The following ZNF423 variants were observed in gnomAD, a reference collection of about 807,000 sequenced individuals.
ZNF423 encodes the protein zinc finger protein 423, also known as Ebf-associated zinc finger protein.
In ZNF423, 12 loss-of-function variants were observed where a neutral mutation model predicts 95.8. That is an observed-to-expected ratio of 0.13 (90% CI 0.08 to 0.20). The LOEUF is 0.20. ZNF423 is among the 10% of genes least tolerant of loss of function. ZNF423 has a pLI of 1.00. For missense variants in ZNF423, 1,316 were observed against 1,737.1 expected (o/e 0.76, Z 4.31); for synonymous variants, 749 against 711.9 (o/e 1.05, Z -0.83).
intron 1 of ZNF423, among the ~76,000 whole-genome samples, chr16:49,842,799 C>T (rs2035204499): frequency 6.6e-6 from 1 of 151,976 alleles, no homozygotes; most frequent in Admixed American, 6.5e-5. Context: ...CATGGTGAAA[C>T]CCTATCTCCA....
At chr16:49,690,833 G>A (rs1411977379) in intron 3 of ZNF423, among the ~76,000 whole-genome samples, 1 of 152,192 alleles carries the variant, frequency 6.6e-6, no homozygotes, top group Non-Finnish European at 1.5e-5. Flanking sequence ...TGGAGACCTG[G>A]AAACAAGGAG....
At chr16:49,733,407 A>G (rs931138009) in intron 2 of ZNF423, among the ~76,000 whole-genome samples, 1 of 152,206 alleles carries the variant, frequency 6.6e-6, no homozygotes, top group Non-Finnish European at 1.5e-5. Context: ...AGCACTTTCT[A>G]TAATAGCTCA....
At position 49,637,620 on chromosome 16, in the gene ZNF423, G is replaced by C; in HGVS notation, c.1556C>G (p.Ser519Cys). The change falls in exon 4 of 8, where the codon TCT becomes TGT. Residue 519 changes from serine to cysteine, a missense_variant. By Grantham distance (112) the Ser-to-Cys change is moderately radical. Transcript: ENST00000563137. This position sits in a 1 kb window ranked among gnomAD's most constrained non-coding sequence, Gnocchi z 5.6. Reference sequence around the variant, plus strand: ...GCAGAAGAAAGCATTATTACCGTCAGAGGGGTTGGCGTTGGGGCCGCAGTG... The same window carrying C: ...GCAGAAGAAAGCATTATTACCGTCACAGGGGTTGGCGTTGGGGCCGCAGTG... ...VSHCGPNANP[S>C]DGNNAFFCNQ... is the part of the protein sequence containing the mutation. 1 of 1,614,072 alleles carries C rather than the reference G, an allele frequency of 6.2e-7. No individual in the cohort carries two copies. The highest frequency in any genetic ancestry group is 8.5e-7 in the Non-Finnish European group (1 of 1,180,040).
At chr16:49,643,908 G>C (rs1244043922) in intron 3 of ZNF423, among the ~76,000 whole-genome samples, 1 of 152,234 alleles carries the variant, frequency 6.6e-6, no homozygotes, top group Non-Finnish European at 1.5e-5. Flanking sequence ...GAAAGAGCCA[G>C]GTGATTCCCA....
intron 3 of ZNF423, among the ~76,000 whole-genome samples, chr16:49,699,353 C>T (rs887515176): frequency 4.6e-5 from 7 of 152,250 alleles, no homozygotes; most frequent in African/African-American, 1.4e-4. Context: ...CAAAAATAGC[C>T]CTTTGGAAAT....
Position 49,590,296 on chromosome 16 carries a change from T to C in ZNF423, c.3601+35874A>G, listed in dbSNP as rs368608330. On this transcript the variant is annotated intron_variant, in intron 5 of 7. Coordinates refer to ENST00000563137, the MANE Select transcript of ZNF423 (RefSeq NM_001379286.1). The stretch of plus-strand genomic sequence containing the variant: ...CGGGCAGCACCTCCTGACCCGGGCA[T>C]GCTGCACAGCTGGACTCCCGTTTGG... Among the ~76,000 whole-genome samples, 7 of 151,962 alleles carry C rather than the reference T, an allele frequency of 4.6e-5. No homozygotes were observed. The East Asian group carries it at 1.4e-3, about 30-fold the overall frequency.
chr16:49,702,606 G>A (rs1400473663), intron 3 of ZNF423, among the ~76,000 whole-genome samples: 2 of 152,244 alleles, frequency 1.3e-5, no homozygotes, highest in Non-Finnish European at 2.9e-5. Flanking sequence ...GAGGCTGGAT[G>A]GCGGGAGGGG....
rs528026845 is a variant in ZNF423, at chr16:49,625,205, T to C, written c.3601+965A>G. Among the ~76,000 whole-genome samples, 40 of 152,160 alleles carry C rather than the reference T, an allele frequency of 2.6e-4. 2 individuals are homozygous for C. In the South Asian group the frequency reaches 8.3e-3, roughly 32 times the overall value. ...CAGCCTGACCAAGATGGTGAAAAAT[T>C]AGCCAGGCGCAGTGGCAGGTGCCTG... On this transcript the variant is annotated intron_variant, in intron 5 of 7. Transcript: ENST00000563137.
At chr16:49,649,484 A>G (rs1332326833) in intron 3 of ZNF423, among the ~76,000 whole-genome samples, 1 of 152,126 alleles carries the variant, frequency 6.6e-6, no homozygotes, top group Non-Finnish European at 1.5e-5. Flanking sequence ...AATTCAGCAC[A>G]TATTTAGGAT....
At chr16:49,631,346 C>A (rs1164471082) in intron 4 of ZNF423, among the ~76,000 whole-genome samples, 1 of 152,066 alleles carries the variant, frequency 6.6e-6, no homozygotes, top group Admixed American at 6.5e-5. Context: ...CTCACCAGCC[C>A]CCAAACCCTC....
chr16:49,841,795 G>A (rs2035184915), intron 1 of ZNF423, among the ~76,000 whole-genome samples: 1 of 152,234 alleles, frequency 6.6e-6, no homozygotes, highest in South Asian at 2.1e-4. Flanking sequence ...TGGAGCCTAG[G>A]CTAAGCCTCA....
intron 5 of ZNF423, among the ~76,000 whole-genome samples, chr16:49,590,462 C>T (rs1411040478): frequency 1.3e-5 from 2 of 152,248 alleles, no homozygotes; most frequent in African/African-American, 4.8e-5. Flanking sequence ...GCCACAGATA[C>T]GGGCATTCTT....
At chr16:49,663,395 C>G (rs768261328) in intron 3 of ZNF423, among the ~76,000 whole-genome samples, 5 of 152,136 alleles carry the variant, frequency 3.3e-5, no homozygotes, top group African/African-American at 1.2e-4. Flanking sequence ...GCCCCCCAGC[C>G]CACCCCCCTC....
In ZNF423 at chr16:49,638,944, C is replaced by A; in HGVS notation, c.302-70G>T. On this transcript the variant is annotated intron_variant, in intron 3 of 7. Transcript: ENST00000563137. This position sits in a 1 kb window ranked among gnomAD's most constrained non-coding sequence, Gnocchi z 5.6. The stretch of plus-strand genomic sequence containing the variant: ...TGCCGAGAAACAAGGACAGAGCCAG[C>A]TTCTCGACAGCACGCGGGCTGAGGC... The A allele has an allele frequency of 6.6e-7, 1 of 1,514,768 alleles. No homozygotes were observed. The highest frequency in any genetic ancestry group is 8.8e-7 in the Non-Finnish European group (1 of 1,130,732). 93.8% of individuals were successfully genotyped at this position (1,514,768 alleles called of 1,614,324 possible). A position where few individuals can be genotyped will look rare whatever the true frequency, so the allele number is the denominator to read the frequency against.
chr16:49,561,293 A>G (rs1970008512), intron 5 of ZNF423, among the ~76,000 whole-genome samples: 1 of 152,202 alleles, frequency 6.6e-6, no homozygotes, highest in Non-Finnish European at 1.5e-5. Flanking sequence ...TCTGTTTTTT[A>G]TCGGACAGTG....
At chr16:49,792,532 C>T (rs1780917863) in intron 1 of ZNF423, among the ~76,000 whole-genome samples, 3 of 152,178 alleles carry the variant, frequency 2.0e-5, no homozygotes, top group Admixed American at 2.0e-4. Flanking sequence ...TGCAAGCAGC[C>T]GCATGACACA....
chr16:49,683,809 G>GGT (rs1024166329), intron 3 of ZNF423, among the ~76,000 whole-genome samples: 25 of 152,332 alleles, frequency 1.6e-4, no homozygotes, highest in African/African-American at 6.0e-4. Context: ...CAGGCATGAT[G>GGT]GTGTGCGCCT....
In ZNF423 at chr16:49,637,786, G is replaced by C; in HGVS notation, c.1390C>G (p.Leu464Val). 1 of 1,614,168 alleles carries C rather than the reference G, an allele frequency of 6.2e-7. No homozygotes were observed. Among genetic ancestry groups the C allele is most frequent in the Non-Finnish European group, 8.5e-7 (1 of 1,180,034 alleles). The stretch of plus-strand genomic sequence containing the variant: ...TGCAGCTTGCGAACGTGCTCGTTGA[G>C]GTTGTAGAGGGTGGGCATGGAGTCC... ...CLDSMPTLYN[L>V]NEHVRKLHKN... Residue 464 changes from leucine to valine, a missense_variant, in exon 4 of 8, where the codon CTC becomes GTC. Physicochemically the swap from Leu to Val is conservative, Grantham distance 32. This residue lies in a region of ZNF423 where 399 missense variants were observed against 478.5 expected (regional missense o/e 0.83). Coordinates refer to ENST00000563137, the MANE Select transcript of ZNF423 (RefSeq NM_001379286.1). This position sits in a 1 kb window ranked among gnomAD's most constrained non-coding sequence, Gnocchi z 5.6.
intron 5 of ZNF423, among the ~76,000 whole-genome samples, chr16:49,550,329 T>C (rs1203501032): frequency 6.6e-6 from 1 of 152,258 alleles, no homozygotes; most frequent in Non-Finnish European, 1.5e-5. Flanking sequence ...TTTTCGTCCA[T>C]TCTCTTCCAT....
Sources: gnomAD v4.1 joint callset for allele counts (sites outside exome capture counted in the v4.1 genomes callset) on GRCh38, gnomAD v4.1.1 for gene constraint, gnomAD v4.1.1 regional missense constraint, Gnocchi (gnomAD v3.1) non-coding constraint, MANE v1.5 for transcripts, NCBI Gene and HGNC (gene_info 2026-07-23, HGNC 2026-07-21) for gene names.